Variants in NRG3 observed in about 807,000 individuals in gnomAD.
NRG3 encodes the protein neuregulin 3.
A neutral mutation model predicts 66.9 loss-of-function variants in NRG3; 31 were observed. The observed-to-expected ratio is 0.46, with a 90% confidence interval of 0.35 to 0.63. The LOEUF (loss-of-function observed/expected upper bound fraction) is 0.63. NRG3 is among the 20% of genes least tolerant of loss of function. NRG3 has a pLI of 0.00. For missense variants in NRG3, 910 were observed against 878.9 expected, an observed-to-expected ratio of 1.04 and a Z score of -0.45; for synonymous variants, 393 against 359.4, an observed-to-expected ratio of 1.09 and a Z score of -1.06.
intron 2 of NRG3, among the ~76,000 whole-genome samples, chr10:82,679,015 A>G (rs1446557694): frequency 6.6e-6 from 1 of 152,180 alleles, no homozygotes; most frequent in Non-Finnish European, 1.5e-5. Context: ...CTGGATTTCA[A>G]TTTTTATGCT....
intron 4 of NRG3, among the ~76,000 whole-genome samples, chr10:82,939,696 C>T (rs1848420017): frequency 6.6e-6 from 1 of 152,042 alleles, no homozygotes; most frequent in Admixed American, 6.5e-5. Context: ...GTCTCCATCT[C>T]CTGACCTCGT....
chr10:82,092,903 T>C (rs2066113966), intron 1 of NRG3, among the ~76,000 whole-genome samples: 1 of 151,936 alleles, frequency 6.6e-6, no homozygotes, highest in African/African-American at 2.4e-5. Flanking sequence ...CATAAAGGGG[T>C]GAGGGAAACT....
chr10:82,860,277 G>A (rs918505114), intron 3 of NRG3, among the ~76,000 whole-genome samples: 1 of 152,168 alleles, frequency 6.6e-6, no homozygotes, highest in Non-Finnish European at 1.5e-5. Context: ...TAAACTAGGG[G>A]TGAGAAAGTA....
At chr10:82,646,484 C>T (rs962451871) in intron 2 of NRG3, among the ~76,000 whole-genome samples, 2 of 152,174 alleles carry the variant, frequency 1.3e-5, no homozygotes, top group African/African-American at 4.8e-5. Flanking sequence ...TCTGCAAGTA[C>T]ATCATAGCAT....
intron 1 of NRG3, among the ~76,000 whole-genome samples, chr10:81,920,646 A>C (rs1410456490): frequency 1.3e-5 from 2 of 152,202 alleles, no homozygotes; most frequent in Non-Finnish European, 2.9e-5. Flanking sequence ...TGCCAACCCC[A>C]GAAAGCTAAT....
At chr10:82,411,253 A>C (rs1399331598) in intron 2 of NRG3, among the ~76,000 whole-genome samples, 2 of 152,088 alleles carry the variant, frequency 1.3e-5, no homozygotes, top group Non-Finnish European at 2.9e-5. Context: ...ATTTATAAGG[A>C]GGAAAGGAAG....
At chr10:82,908,240 C>T (rs1844950271) in intron 4 of NRG3, among the ~76,000 whole-genome samples, 1 of 152,142 alleles carries the variant, frequency 6.6e-6, no homozygotes, top group African/African-American at 2.4e-5. Flanking sequence ...TGTTAACTCA[C>T]TAGGAAGGAA....
intron 2 of NRG3, among the ~76,000 whole-genome samples, chr10:82,630,087 T>C (rs2049710545): frequency 6.6e-6 from 1 of 152,114 alleles, no homozygotes; most frequent in African/African-American, 2.4e-5. Context: ...TAAATCGCAG[T>C]TTCCAGCCAG....
chr10:81,948,387 A>T lies in NRG3; in HGVS notation c.823+72224A>T, dbSNP rs193105419. On this transcript the variant is annotated intron_variant, in intron 1 of 8. Transcript: ENST00000372141. The stretch of plus-strand genomic sequence containing the variant: ...AAAATGCATAGGTTGTATAGTAGGG[A>T]AGAAGGTCATAGTTTATATTTCTTG... 2.2e-3 allele frequency among the ~76,000 whole-genome samples: 337 copies of T among 152,280 alleles called. 1 individual carries two copies. The highest frequency in any genetic ancestry group is 0.01 in the Middle Eastern group (3 of 294).
chr10:82,511,611 T>A (rs766249115), intron 2 of NRG3, among the ~76,000 whole-genome samples: 21 of 152,130 alleles, frequency 1.4e-4, no homozygotes, highest in Non-Finnish European at 2.8e-4. Context: ...GCTGGCCATT[T>A]TATTTCTCAT....
intron 1 of NRG3, among the ~76,000 whole-genome samples, chr10:82,146,260 T>A (rs975948640): frequency 2.6e-5 from 4 of 152,122 alleles, no homozygotes; most frequent in African/African-American, 9.7e-5. Flanking sequence ...AAACTTAGAT[T>A]GTTTATAGAG....
chr10:82,070,614 A>G (rs2064752647), intron 1 of NRG3, among the ~76,000 whole-genome samples: 1 of 152,196 alleles, frequency 6.6e-6, no homozygotes, highest in Admixed American at 6.5e-5. Context: ...TAATTACAGA[A>G]TAAGTATATT....
chr10:82,620,153 T>G (rs1256980954), intron 2 of NRG3, among the ~76,000 whole-genome samples: 1 of 152,124 alleles, frequency 6.6e-6, no homozygotes, highest in Non-Finnish European at 1.5e-5. Context: ...CATATTACAA[T>G]GCTCTCTTAG....
intron 2 of NRG3, among the ~76,000 whole-genome samples, chr10:82,575,878 T>G (rs547002846): frequency 6.6e-6 from 1 of 151,762 alleles, no homozygotes; most frequent in Non-Finnish European, 1.5e-5. Flanking sequence ...CAATTTCTCA[T>G]GCATGAGTGA....
intron 2 of NRG3, among the ~76,000 whole-genome samples, chr10:82,438,565 C>T (rs905071498): frequency 1.3e-5 from 2 of 152,194 alleles, no homozygotes; most frequent in African/African-American, 4.8e-5. Flanking sequence ...GTGCTGGTCA[C>T]CCCTCACCCC....
At chr10:82,565,855 A>G (rs1440024697) in intron 2 of NRG3, among the ~76,000 whole-genome samples, 1 of 152,100 alleles carries the variant, frequency 6.6e-6, no homozygotes, top group Non-Finnish European at 1.5e-5. Context: ...GGCAAAGAGG[A>G]GAAACACAGA....
chr10:82,062,620 AG>A (rs906000857), intron 1 of NRG3, among the ~76,000 whole-genome samples: 8 of 150,378 alleles, frequency 5.3e-5, no homozygotes, highest in African/African-American at 1.8e-4. Context: ...AAAAAGAAAA[AG>A]AAAAAAAATA....
chr10:82,633,226 T>A (rs560869612), intron 2 of NRG3, among the ~76,000 whole-genome samples: 1 of 152,310 alleles, frequency 6.6e-6, no homozygotes, highest in South Asian at 2.1e-4. Context: ...CACATATATA[T>A]GCTTAGTGGC....
At chr10:82,125,810 G>A (rs1479266483) in intron 1 of NRG3, among the ~76,000 whole-genome samples, 1 of 151,972 alleles carries the variant, frequency 6.6e-6, no homozygotes, top group Admixed American at 6.6e-5. Flanking sequence ...CCAGATTTGT[G>A]TAATTTTCTT....
Sources: allele counts gnomAD v4.1 joint callset (sites outside exome capture counted in the v4.1 genomes callset), GRCh38; gene constraint gnomAD v4.1.1; transcripts MANE v1.5; gene names NCBI Gene and HGNC (gene_info 2026-07-23, HGNC 2026-07-21).